CPNE4: variants seen among roughly 807,000 people sequenced by gnomAD.
CPNE4 encodes copine-4.
In CPNE4, 25 loss-of-function variants were observed where a neutral mutation model predicts 67.9. The ratio of observed to expected loss-of-function variants is 0.37; its 90% CI spans 0.27 to 0.51. The LOEUF is 0.51. Ranked by LOEUF, CPNE4 falls within the 20% of genes least tolerant of loss-of-function variation. CPNE4 has a pLI of 0.93. For synonymous variants in CPNE4, 242 were observed against 244.9 expected, an observed-to-expected ratio of 0.99 and a Z score of 0.11; for missense variants, 464 against 690.8, an observed-to-expected ratio of 0.67 and a Z score of 3.68.
chr3:131,675,141 T>A (rs1396778997), intron 6 of CPNE4, among the ~76,000 whole-genome samples: 1 of 152,186 alleles, frequency 6.6e-6, no homozygotes, highest in Admixed American at 6.5e-5. Context: ...TTGTTATTGA[T>A]TTCTAGTTTT....
chr3:131,804,260 A>G (rs928184398), intron 2 of CPNE4, among the ~76,000 whole-genome samples: 6 of 152,120 alleles, frequency 3.9e-5, no homozygotes, highest in African/African-American at 1.4e-4. Flanking sequence ...TTTGTCTGCT[A>G]TAAGCAGAAC....
At chr3:131,592,167 A>C (rs1469530694) in intron 7 of CPNE4, among the ~76,000 whole-genome samples, 1 of 152,178 alleles carries the variant, frequency 6.6e-6, no homozygotes, top group Non-Finnish European at 1.5e-5. Flanking sequence ...CTACCACACA[A>C]ACACAAATTA....
At chr3:131,732,590 C>T (rs1362411519) in intron 2 of CPNE4, among the ~76,000 whole-genome samples, 1 of 152,194 alleles carries the variant, frequency 6.6e-6, no homozygotes, top group Non-Finnish European at 1.5e-5. Context: ...GTTCCAGTAA[C>T]ACTGCCACCG....
chr3:131,663,430 T>C (rs889048722), intron 7 of CPNE4, among the ~76,000 whole-genome samples: 3 of 151,226 alleles, frequency 2.0e-5, no homozygotes, highest in Non-Finnish European at 4.4e-5. Flanking sequence ...TATACCTACA[T>C]AACAAACCTA....
At chr3:131,614,703 AGAAGG>A (rs1940040530) in intron 7 of CPNE4, among the ~76,000 whole-genome samples, 1 of 152,342 alleles carries the variant, frequency 6.6e-6, no homozygotes, top group African/African-American at 2.4e-5. Context: ...CTGCTGAAGC[AGAAGG>A]GAAGGACAGA....
At chr3:131,690,342 C>G (rs1254860057) in intron 5 of CPNE4, among the ~76,000 whole-genome samples, 1 of 152,028 alleles carries the variant, frequency 6.6e-6, no homozygotes. Flanking sequence ...AAAACAGACA[C>G]ATAAGACCAA....
chr3:132,001,149 T>G (rs1423384641), intron 1 of CPNE4, among the ~76,000 whole-genome samples: 1 of 151,986 alleles, frequency 6.6e-6, no homozygotes, highest in Non-Finnish European at 1.5e-5. Flanking sequence ...CTGAATATTA[T>G]CACTGATCAA....
At chr3:131,559,227 T>C (rs956390211) in intron 11 of CPNE4, among the ~76,000 whole-genome samples, 1 of 152,040 alleles carries the variant, frequency 6.6e-6, no homozygotes, top group African/African-American at 2.4e-5. Flanking sequence ...GTAATTTTTT[T>C]TGGTATATAA....
At chr3:131,881,941 T>G (rs2087686775) in intron 2 of CPNE4, among the ~76,000 whole-genome samples, 1 of 152,230 alleles carries the variant, frequency 6.6e-6, no homozygotes, top group African/African-American at 2.4e-5. Flanking sequence ...TCCATGGAGC[T>G]GTCACAATAT....
chr3:131,908,953 G>T (rs185782141), intron 1 of CPNE4, among the ~76,000 whole-genome samples: 1 of 152,204 alleles, frequency 6.6e-6, no homozygotes, highest in Non-Finnish European at 1.5e-5. Context: ...CTCTGATAGT[G>T]GTAGCTATTG....
At chr3:131,997,948 G>C (rs183820699) in intron 1 of CPNE4, among the ~76,000 whole-genome samples, 5 of 152,210 alleles carry the variant, frequency 3.3e-5, no homozygotes, top group Admixed American at 2.6e-4. Context: ...TAATGACATT[G>C]ATCCATTGAA....
intron 2 of CPNE4, among the ~76,000 whole-genome samples, chr3:131,860,744 A>C (rs539927797): frequency 1.7e-4 from 26 of 152,344 alleles, no homozygotes; most frequent in African/African-American, 6.3e-4. Context: ...CTAGAAGAAT[A>C]AAGTAACTAC....
chr3:131,926,995 C>T lies in CPNE4; in HGVS notation c.-1-21551G>A, dbSNP rs937133499. Among the ~76,000 whole-genome samples, 4 of 152,246 alleles carry T rather than the reference C, an allele frequency of 2.6e-5. No individual in the cohort carries two copies. In the South Asian group the frequency reaches 6.2e-4, roughly 24 times the overall value. On this transcript the variant is annotated intron_variant, in intron 1 of 15. Transcript: ENST00000429747. ...GTGTGGGAGAGAGGAAGGAGCAAGA[C>T]AGAACAAGCTGGCCTAAAGGACCTT...
At chr3:131,632,133 C>G (rs1470598143) in intron 7 of CPNE4, among the ~76,000 whole-genome samples, 1 of 151,562 alleles carries the variant, frequency 6.6e-6, no homozygotes, top group Non-Finnish European at 1.5e-5. Flanking sequence ...CCTCAGCCTC[C>G]CGAGTAGCTG....
chr3:131,606,512 A>G (rs1016859578), intron 7 of CPNE4, among the ~76,000 whole-genome samples: 3 of 152,114 alleles, frequency 2.0e-5, no homozygotes, highest in African/African-American at 4.8e-5. Flanking sequence ...AGATTCACAC[A>G]CGTGGTTCTG....
At chr3:131,952,837 G>A (rs984962813) in intron 1 of CPNE4, among the ~76,000 whole-genome samples, 3 of 152,222 alleles carry the variant, frequency 2.0e-5, no homozygotes, top group Non-Finnish European at 4.4e-5. Context: ...AAATCGGATG[G>A]TTGCCCTGTC....
At chr3:131,957,122 C>T (rs1335744381) in intron 1 of CPNE4, among the ~76,000 whole-genome samples, 4 of 152,204 alleles carry the variant, frequency 2.6e-5, no homozygotes, top group Non-Finnish European at 5.9e-5. Context: ...TAACCCCACA[C>T]TGGGACTCAG....
chr3:131,713,263 T>C (rs2081603377), intron 3 of CPNE4, among the ~76,000 whole-genome samples: 3 of 152,206 alleles, frequency 2.0e-5, no homozygotes, highest in Admixed American at 1.3e-4. Flanking sequence ...AAAGGGCCTG[T>C]GTTAATTGTC....
At chr3:131,887,805 C>T (rs1338900207) in intron 2 of CPNE4, among the ~76,000 whole-genome samples, 3 of 152,176 alleles carry the variant, frequency 2.0e-5, no homozygotes, top group Non-Finnish European at 4.4e-5. Flanking sequence ...ATTATAGAAC[C>T]TATGACAATA....
Sources: gnomAD v4.1 joint callset for allele counts (sites outside exome capture counted in the v4.1 genomes callset) on GRCh38, gnomAD v4.1.1 for gene constraint, MANE v1.5 for transcripts, NCBI Gene and HGNC (gene_info 2026-07-23, HGNC 2026-07-21) for gene names.